The following MYH9 variants were observed in gnomAD, a reference collection of about 807,000 sequenced individuals.
MYH9 encodes myosin heavy chain 9, also known as myosin-9.
In MYH9, 29 loss-of-function variants were observed where a neutral mutation model predicts 241.9. That is an observed-to-expected ratio of 0.12 (90% confidence interval 0.09 to 0.16). MYH9 has a LOEUF of 0.16. Ranked by LOEUF, MYH9 falls within the 10% of genes least tolerant of loss-of-function variation. MYH9 has a pLI of 1.00. For missense variants in MYH9, 1,803 were observed against 2,595.5 expected, an observed-to-expected ratio of 0.69 and a Z score of 6.63; for synonymous variants, 1,047 against 1,062.6, an observed-to-expected ratio of 0.99 and a Z score of 0.29.
chr22:36,344,415 T>C (rs1043955352), intron 2 of MYH9, among the ~76,000 whole-genome samples: 1 of 152,154 alleles, frequency 6.6e-6, no homozygotes, highest in African/African-American at 2.4e-5. Context: ...ATTTGGAAGC[T>C]TGATGGAGAG....
At chr22:36,321,712 T>TC (rs1462775171) in intron 7 of MYH9, 46 bp downstream of exon 7, 1 of 1,565,216 alleles carries the variant, frequency 6.4e-7, no homozygotes, top group Admixed American at 1.7e-5. Context: ...AGGTCATGCC[T>TC]CCCCTCCGGA....
chr22:36,342,803 C>T (rs545135291), intron 2 of MYH9, among the ~76,000 whole-genome samples: 14 of 152,322 alleles, frequency 9.2e-5, no homozygotes, highest in Non-Finnish European at 1.9e-4. Flanking sequence ...GGGCTCCACG[C>T]ACCACATCAC....
intron 2 of MYH9, among the ~76,000 whole-genome samples, chr22:36,342,482 C>T (rs2017605112): frequency 6.6e-6 from 1 of 152,200 alleles, no homozygotes; most frequent in African/African-American, 2.4e-5. Flanking sequence ...ACAGTTTACA[C>T]ACATCTGTCC....
chr22:36,348,830 T>TGGGCCGGGGGGGG, intron 2 of MYH9, 74 bp downstream of exon 2: 1 of 1,117,214 alleles, frequency 9.0e-7, no homozygotes, highest in Non-Finnish European at 1.3e-6. Context: ...GTGAGGGTGA[T>TGGGCCGGGGGGGG]GGGAAGACCC....
chr22:36,330,858 CT>C lies in MYH9; in HGVS notation c.491-3371del, dbSNP rs2017410458. 6.6e-6 allele frequency among the ~76,000 whole-genome samples: 1 copy of C among 152,076 alleles called. No individual in the cohort carries two copies. The highest frequency in any genetic ancestry group is 6.5e-5 in the Admixed American group (1 of 15,268). The stretch of plus-strand genomic sequence containing the variant: ...AAGCCTCTTCTGGGACACGAGCCCC[CT>C]GCCAGATGAAAGTCTAGCCGTGGTA... On this transcript the variant is annotated intron_variant, in intron 3 of 40. Coordinates refer to ENST00000216181, the MANE Select transcript of MYH9 (RefSeq NM_002473.6). The surrounding 1 kb of genome is among the most constrained non-coding windows in gnomAD (Gnocchi z 4.5).
At chr22:36,340,112 G>A (rs1299713465) in intron 3 of MYH9, among the ~76,000 whole-genome samples, 1 of 151,970 alleles carries the variant, frequency 6.6e-6, no homozygotes, top group African/African-American at 2.4e-5. Flanking sequence ...GGGAAGGTAG[G>A]CAAGGGGCCA....
At chr22:36,311,486 G>A (rs2017062950) in intron 14 of MYH9, among the ~76,000 whole-genome samples, 2 of 152,130 alleles carry the variant, frequency 1.3e-5, no homozygotes, top group Non-Finnish European at 2.9e-5. Context: ...AAACATCCTA[G>A]CATGCACAGG....
At chr22:36,302,402 C>G in intron 20 of MYH9, 166 bp downstream of exon 20, 1 of 617,128 alleles carries the variant, frequency 1.6e-6, no homozygotes. Context: ...AATTCCAGCA[C>G]TTTGGGAGGC....
chr22:36,343,225 C>T (rs1364892556), intron 2 of MYH9, among the ~76,000 whole-genome samples: 2 of 152,124 alleles, frequency 1.3e-5, no homozygotes, highest in African/African-American at 4.8e-5. Flanking sequence ...CCCCAACAAC[C>T]ACACAATGGT....
intron 1 of MYH9, among the ~76,000 whole-genome samples, chr22:36,353,118 TGTGTGTGTGTGTGTA>T (rs2017798033): frequency 6.6e-6 from 1 of 151,818 alleles, no homozygotes; most frequent in South Asian, 2.1e-4. Flanking sequence ...TGTGTGTGTG[TGTGTGTGTGTGTGTA>T]TAAGTGTGTT....
intron 1 of MYH9, among the ~76,000 whole-genome samples, chr22:36,387,548 A>T (rs1052527706): frequency 1.3e-5 from 2 of 150,982 alleles, no homozygotes; most frequent in African/African-American, 4.9e-5. Flanking sequence ...GGCGCCGGGG[A>T]GCGCCGGGTC....
intron 3 of MYH9, among the ~76,000 whole-genome samples, chr22:36,334,456 G>A (rs2146377504): frequency 6.6e-6 from 1 of 152,330 alleles, no homozygotes. Context: ...GGCCACATCA[G>A]CCCCAGGCCT....
At chr22:36,356,232 G>A (rs1250681656) in intron 1 of MYH9, among the ~76,000 whole-genome samples, 2 of 152,128 alleles carry the variant, frequency 1.3e-5, no homozygotes, top group Non-Finnish European at 2.9e-5. Context: ...TCTACTTGCG[G>A]CCGTTGGTTT....
Position 36,300,336 on chromosome 22 carries a change from G to C in MYH9, c.2839-72C>G. On this transcript the variant is annotated intron_variant, in intron 22 of 40. Transcript: ENST00000216181. This position sits in a 1 kb window ranked among gnomAD's most constrained non-coding sequence, Gnocchi z 5.0. ...GGCCAAGGTGAAGGCAGCAAGGTCC[G>C]AAGGCCAGATCCAAACGCCAAGGAG... The C allele has an allele frequency of 6.3e-7, 1 of 1,596,296 alleles. No individual in the cohort carries two copies. The highest frequency in any genetic ancestry group is 8.5e-7 in the Non-Finnish European group (1 of 1,173,510).
At chr22:36,335,681 T>A (rs2017487259) in intron 3 of MYH9, among the ~76,000 whole-genome samples, 1 of 152,116 alleles carries the variant, frequency 6.6e-6, no homozygotes. Flanking sequence ...CCTCCCCTAG[T>A]GCCCCCCAAC....
intron 3 of MYH9, among the ~76,000 whole-genome samples, chr22:36,334,758 C>G (rs1340939857): frequency 6.6e-6 from 1 of 152,196 alleles, no homozygotes; most frequent in Non-Finnish European, 1.5e-5. Context: ...CTAACAGGTA[C>G]TTATCGCAGG....
At position 36,293,213 on chromosome 22, in the gene MYH9, G is replaced by C. The variant is rs1020469179; in HGVS notation, c.4095+116C>G. On this transcript the variant is annotated intron_variant, in intron 30 of 40. Transcript: ENST00000216181. The surrounding 1 kb of genome is among the most constrained non-coding windows in gnomAD (Gnocchi z 5.1). Reference sequence around the variant, plus strand: ...GGGAGAGCACGGTTGGCTTCCCAGGGGGAGAGCAGCAATGGGCCGGCCCAG... The same window carrying C: ...GGGAGAGCACGGTTGGCTTCCCAGGCGGAGAGCAGCAATGGGCCGGCCCAG... 1.4e-6 allele frequency: 2 copies of C among 1,388,042 alleles called. No homozygotes were observed. Among genetic ancestry groups the C allele is most frequent in the African/African-American group, 2.8e-5 (2 of 70,496 alleles). The allele number at this position is 1,388,042 out of a possible 1,614,324, so 86.0% of individuals were successfully genotyped here. A position where few individuals can be genotyped will look rare whatever the true frequency, so the allele number is the denominator to read the frequency against.
chr22:36,320,399 G>A lies in MYH9; in HGVS notation c.869-36C>T. On this transcript the variant is annotated intron_variant, in intron 8 of 40. Transcript: ENST00000216181. The surrounding 1 kb of genome is among the most constrained non-coding windows in gnomAD (Gnocchi z 4.8). ...TGGAGGGCAAGGGCGCCTCAGCGAG[G>A]TGCTGAAAGTGGAGGCTCCATCAGC... The A allele has an allele frequency of 6.2e-7, 1 of 1,608,472 alleles. No homozygotes were observed. Among genetic ancestry groups the A allele is most frequent in the Non-Finnish European group, 8.5e-7 (1 of 1,179,912 alleles).
chr22:36,333,951 G>A (rs2017460303), intron 3 of MYH9, among the ~76,000 whole-genome samples: 2 of 152,222 alleles, frequency 1.3e-5, no homozygotes, highest in East Asian at 3.9e-4. Flanking sequence ...TCAGGGGATG[G>A]GGAGCAGAAA....
Sources: allele counts gnomAD v4.1 joint callset (sites outside exome capture counted in the v4.1 genomes callset), GRCh38; gene constraint gnomAD v4.1.1; non-coding constraint Gnocchi (gnomAD v3.1); transcripts MANE v1.5; gene names NCBI Gene and HGNC (gene_info 2026-07-23, HGNC 2026-07-21).